REDIC1: variants seen among roughly 807,000 people sequenced by gnomAD.
REDIC1 encodes the protein HEI10 Interacting Protein 1.
chr12:39,729,238 T>C, the REDIC1 span, among the ~76,000 whole-genome samples: 1 of 152,206 alleles, frequency 6.6e-6, no homozygotes, highest in Non-Finnish European at 1.5e-5. Context: ...CTAGTTCTTT[T>C]AATTGGGATG....
At chr12:39,721,322 T>G in the REDIC1 span, 2 of 1,287,660 alleles carry the variant, frequency 1.6e-6, no homozygotes, top group Non-Finnish European at 2.2e-6. Context: ...TGTTGAAAAT[T>G]TCATTAACAT....
the REDIC1 span, chr12:39,830,079 C>T: frequency 3.0e-5 from 48 of 1,612,628 alleles, no homozygotes; most frequent in Non-Finnish European, 3.8e-5. Flanking sequence ...ATTATATATT[C>T]GTATGGTAAA....
At chr12:39,705,374 A>G in the REDIC1 span, among the ~76,000 whole-genome samples, 1 of 152,116 alleles carries the variant, frequency 6.6e-6, no homozygotes, top group Admixed American at 6.6e-5. Context: ...GCTGAATTCT[A>G]CAAAACATGT....
At chr12:39,824,761 A>G in the REDIC1 span, among the ~76,000 whole-genome samples, 2 of 152,124 alleles carry the variant, frequency 1.3e-5, no homozygotes, top group African/African-American at 2.4e-5. Context: ...GGGGAGTGCT[A>G]GAGGGCAGCA....
the REDIC1 span, among the ~76,000 whole-genome samples, chr12:39,675,479 G>A: frequency 2.0e-5 from 3 of 152,176 alleles, no homozygotes; most frequent in Non-Finnish European, 2.9e-5. Context: ...TCTTGAAAGT[G>A]CCACCTCTGG....
At chr12:39,712,865 ACG>A in the REDIC1 span, among the ~76,000 whole-genome samples, 1 of 14,112 alleles carries the variant, frequency 7.1e-5, no homozygotes. Flanking sequence ...ATGTATATAC[ACG>A]TATATACACG....
the REDIC1 span, among the ~76,000 whole-genome samples, chr12:39,680,015 T>A: frequency 6.6e-6 from 1 of 152,094 alleles, no homozygotes; most frequent in African/African-American, 2.4e-5. Flanking sequence ...CTTTAAGACA[T>A]GAAGCCATAA....
At chr12:39,712,522 C>G in the REDIC1 span, among the ~76,000 whole-genome samples, 1 of 139,804 alleles carries the variant, frequency 7.2e-6, no homozygotes, top group Admixed American at 7.1e-5. Context: ...CGTATATACA[C>G]GACATATACG....
At chr12:39,705,002 A>C in the REDIC1 span, among the ~76,000 whole-genome samples, 1 of 152,088 alleles carries the variant, frequency 6.6e-6, no homozygotes, top group Non-Finnish European at 1.5e-5. Flanking sequence ...CAGTGCACCA[A>C]CATGGCACAT....
At chr12:39,702,714 C>T in the REDIC1 span, among the ~76,000 whole-genome samples, 10 of 152,190 alleles carry the variant, frequency 6.6e-5, no homozygotes, top group Admixed American at 5.9e-4. Flanking sequence ...AATCCAGCAG[C>T]ACATGAAAAA....
the REDIC1 span, among the ~76,000 whole-genome samples, chr12:39,778,691 C>A: frequency 6.6e-6 from 1 of 152,146 alleles, no homozygotes; most frequent in East Asian, 1.9e-4. Flanking sequence ...TTTCGTCATT[C>A]ATTTCTTCAC....
At chr12:39,876,860 A>G in the REDIC1 span, among the ~76,000 whole-genome samples, 1 of 152,324 alleles carries the variant, frequency 6.6e-6, no homozygotes, top group East Asian at 1.9e-4. Context: ...TGACTTACTC[A>G]ACAGTCTTAT....
chr12:39,694,481 A>G, the REDIC1 span, among the ~76,000 whole-genome samples: 2 of 152,274 alleles, frequency 1.3e-5, no homozygotes, highest in South Asian at 2.1e-4. Context: ...ACTCAGCACT[A>G]TCTTGTTATA....
chr12:39,639,516 A>C, the REDIC1 span, among the ~76,000 whole-genome samples: 2 of 152,008 alleles, frequency 1.3e-5, no homozygotes, highest in African/African-American at 4.8e-5. Context: ...AAAAATGAAC[A>C]ACTTCATATA....
chr12:39,718,749 C>T, the REDIC1 span, among the ~76,000 whole-genome samples: 1 of 151,832 alleles, frequency 6.6e-6, no homozygotes. Flanking sequence ...CAGTGATTTT[C>T]TTTAAAGGCA....
the REDIC1 span, among the ~76,000 whole-genome samples, chr12:39,652,906 C>T: frequency 6.6e-6 from 1 of 151,946 alleles, no homozygotes; most frequent in Non-Finnish European, 1.5e-5. Context: ...TATGTTAGTA[C>T]CAAACTGTCT....
chr12:39,667,325 C>G, the REDIC1 span, among the ~76,000 whole-genome samples: 1 of 152,138 alleles, frequency 6.6e-6, no homozygotes, highest in East Asian at 1.9e-4. Context: ...TCTTTATGTA[C>G]CCAGTAGTCA....
chr12:39,655,557 C>G, the REDIC1 span, among the ~76,000 whole-genome samples: 1 of 152,148 alleles, frequency 6.6e-6, no homozygotes, highest in African/African-American at 2.4e-5. Context: ...CTCATTATGA[C>G]TATTTGTTTT....
chr12:39,721,075 G>A, the REDIC1 span: 3 of 1,613,722 alleles, frequency 1.9e-6, no homozygotes, highest in Non-Finnish European at 2.5e-6. Context: ...GTGTGATGCA[G>A]GGATACAAAC....
Sources: allele counts gnomAD v4.1 joint callset (sites outside exome capture counted in the v4.1 genomes callset), GRCh38; gene constraint gnomAD v4.1.1; transcripts MANE v1.5; gene names NCBI Gene and HGNC (gene_info 2026-07-23, HGNC 2026-07-21).